IGF1R: variants seen among roughly 807,000 people sequenced by gnomAD.
IGF1R encodes the protein insulin-like growth factor 1 receptor.
IGF1R carries 44 observed loss-of-function variants against 144.6 expected under a neutral mutation model. The observed-to-expected ratio is 0.30, with a 90% CI of 0.24 to 0.39. IGF1R has a LOEUF of 0.39. Ranked by LOEUF, IGF1R falls within the 10% of genes least tolerant of loss-of-function variation. The probability of loss-of-function intolerance (pLI) is 1.00; values close to 1 mark genes in which losing one functional copy is unlikely to be tolerated. For synonymous variants in IGF1R, 795 were observed against 722.8 expected (o/e 1.10, Z -1.60); for missense variants, 1,355 against 1,833.7 (o/e 0.74, Z 4.77).
At chr15:98,847,582 G>T (rs1437231737) in intron 2 of IGF1R, among the ~76,000 whole-genome samples, 2 of 152,166 alleles carry the variant, frequency 1.3e-5, no homozygotes, top group Non-Finnish European at 2.9e-5. Context: ...CAGCATGCAG[G>T]AAATGCTCGT....
At chr15:98,868,599 G>A (rs1394472821) in intron 2 of IGF1R, among the ~76,000 whole-genome samples, 1 of 152,108 alleles carries the variant, frequency 6.6e-6, no homozygotes, top group African/African-American at 2.4e-5. Context: ...TAGAAGCACT[G>A]ACCCTGAAGT....
At chr15:98,914,741 A>C (rs1339693284) in intron 8 of IGF1R, among the ~76,000 whole-genome samples, 6 of 152,192 alleles carry the variant, frequency 3.9e-5, no homozygotes, top group South Asian at 2.1e-4. Context: ...TGTACCAATG[A>C]GTCAGTTCAC....
At chr15:98,661,649 C>T (rs112283450) in intron 1 of IGF1R, among the ~76,000 whole-genome samples, 3 of 152,146 alleles carry the variant, frequency 2.0e-5, no homozygotes, top group South Asian at 2.1e-4. Context: ...GAAGCCTTGT[C>T]CCCTCAAACA....
chr15:98,902,546 T>C (rs2014536179), intron 5 of IGF1R, among the ~76,000 whole-genome samples: 1 of 150,792 alleles, frequency 6.6e-6, no homozygotes, highest in South Asian at 2.1e-4. Flanking sequence ...GCCTCCTGAA[T>C]AGCTGGGATT....
chr15:98,836,917 C>A (rs1314687480), intron 2 of IGF1R, among the ~76,000 whole-genome samples: 1 of 152,216 alleles, frequency 6.6e-6, no homozygotes, highest in African/African-American at 2.4e-5. Flanking sequence ...CAGTGCGTCA[C>A]ATCTGTGTGA....
intron 2 of IGF1R, among the ~76,000 whole-genome samples, chr15:98,754,646 A>C (rs1217111869): frequency 6.6e-6 from 1 of 152,208 alleles, no homozygotes; most frequent in Non-Finnish European, 1.5e-5. Context: ...TGGAAACCAC[A>C]GGGAGGGAAG....
intron 1 of IGF1R, among the ~76,000 whole-genome samples, chr15:98,706,678 C>T (rs8024622): frequency 0.16 from 23,976 of 151,882 alleles, 4,443 homozygotes; most frequent in African/African-American, 0.45. Context: ...ATGTATTGAC[C>T]TAGTAAAATA....
At chr15:98,800,615 A>G (rs991930768) in intron 2 of IGF1R, among the ~76,000 whole-genome samples, 4 of 152,224 alleles carry the variant, frequency 2.6e-5, no homozygotes, top group African/African-American at 7.2e-5. Context: ...ACAGCTCTGC[A>G]GGATGCCCTC....
At chr15:98,754,370 C>T (rs1000853563) in intron 2 of IGF1R, among the ~76,000 whole-genome samples, 5 of 152,152 alleles carry the variant, frequency 3.3e-5, no homozygotes, top group Admixed American at 1.3e-4. Context: ...GAGTCTTAAG[C>T]GATCTCCAGG....
intron 2 of IGF1R, among the ~76,000 whole-genome samples, chr15:98,878,454 C>G (rs969354219): frequency 6.6e-6 from 1 of 152,086 alleles, no homozygotes; most frequent in Non-Finnish European, 1.5e-5. Context: ...AATATACAAA[C>G]AGTTCCAAAT....
rs542428297 is a variant in IGF1R at position 98,933,984 on chromosome 15, A to G, written c.2957-840A>G. 2.9e-4 allele frequency among the ~76,000 whole-genome samples: 44 copies of G among 152,334 alleles called. 3 individuals are homozygous for G. In the South Asian group the frequency reaches 7.9e-3, roughly 27 times the overall value. On this transcript the variant is annotated intron_variant, in intron 15 of 20. Transcript: ENST00000650285. ...AAATTTTCTAGTAGCCGTATTTTTT[A>G]AAAGTAAAAAGAAACAGATCAAATG... is the stretch of plus-strand genomic sequence containing the variant.
At chr15:98,830,602 C>CGCCTTTTTTTTTTTTTTTTTTTTTTTT (rs2056982466) in intron 2 of IGF1R, among the ~76,000 whole-genome samples, 1 of 136,388 alleles carries the variant, frequency 7.3e-6, no homozygotes, top group African/African-American at 3.3e-5. Flanking sequence ...ATCTGATCAT[C>CGCCTTTTTTTTTTTTTTTTTTTTTTTT]ATCTTTTTTT....
intron 2 of IGF1R, among the ~76,000 whole-genome samples, chr15:98,888,853 C>G (rs1483321800): frequency 2.0e-5 from 3 of 152,226 alleles, no homozygotes; most frequent in Non-Finnish European, 4.4e-5. Context: ...CCAGGGTTAG[C>G]CTAGCGGCCC....
intron 2 of IGF1R, among the ~76,000 whole-genome samples, chr15:98,722,429 G>A (rs2054267423): frequency 6.6e-6 from 1 of 152,186 alleles, no homozygotes; most frequent in Non-Finnish European, 1.5e-5. Flanking sequence ...ACTCGTGAAT[G>A]AGTTGTAATG....
chr15:98,895,725 G>C (rs1289215199), intron 3 of IGF1R, among the ~76,000 whole-genome samples: 1 of 152,182 alleles, frequency 6.6e-6, no homozygotes, highest in Non-Finnish European at 1.5e-5. Flanking sequence ...TCATGGGTAG[G>C]GGGAAGGGAC....
intron 2 of IGF1R, among the ~76,000 whole-genome samples, chr15:98,854,300 A>C (rs1294438775): frequency 6.6e-6 from 1 of 152,084 alleles, no homozygotes; most frequent in Non-Finnish European, 1.5e-5. Flanking sequence ...TCCCTTACTC[A>C]TCTGGGCCAG....
At chr15:98,788,052 CTCTCTCTCTCTGTGTG>C (rs1348931708) in intron 2 of IGF1R, among the ~76,000 whole-genome samples, 6 of 139,566 alleles carry the variant, frequency 4.3e-5, no homozygotes, top group African/African-American at 1.4e-4. Flanking sequence ...CTCTCTCTCT[CTCTCTCTCTCTGTGTG>C]TGTGTGTGTG....
chr15:98,714,527 T>A (rs1027780869), intron 2 of IGF1R, among the ~76,000 whole-genome samples: 22 of 152,064 alleles, frequency 1.4e-4, no homozygotes, highest in Middle Eastern at 3.4e-3. Context: ...GTGCCTATAG[T>A]CCCAGCACTT....
At chr15:98,785,970 A>G (rs2055984893) in intron 2 of IGF1R, among the ~76,000 whole-genome samples, 1 of 152,202 alleles carries the variant, frequency 6.6e-6, no homozygotes, top group Non-Finnish European at 1.5e-5. Flanking sequence ...GTCTAATCCA[A>G]TTATGGATGG....
Sources: allele counts gnomAD v4.1 joint callset (sites outside exome capture counted in the v4.1 genomes callset), GRCh38; gene constraint gnomAD v4.1.1; transcripts MANE v1.5; gene names NCBI Gene and HGNC (gene_info 2026-07-23, HGNC 2026-07-21).